Variants in CCDC126 observed in about 807,000 individuals in gnomAD.
CCDC126 encodes coiled-coil domain-containing protein 126.
CCDC126 carries 5 observed loss-of-function variants against 11.7 expected under a neutral mutation model. The observed-to-expected ratio is 0.43, with a 90% CI of 0.22 to 0.90. The LOEUF (loss-of-function observed/expected upper bound fraction) is 0.90, where lower values mean the gene tolerates loss of function less well. Ranked by LOEUF, CCDC126 falls within the 40% of genes least tolerant of loss-of-function variation. The pLI, the probability that CCDC126 is intolerant of heterozygous loss-of-function variation, is 0.27. For missense variants in CCDC126, 150 were observed against 163.1 expected, an observed-to-expected ratio of 0.92 and a Z score of 0.44; for synonymous variants, 60 against 61.9, an observed-to-expected ratio of 0.97 and a Z score of 0.14.
chr7:23,605,092 T>C (rs1030779206), intron 2 of CCDC126, among the ~76,000 whole-genome samples: 1 of 151,812 alleles, frequency 6.6e-6, no homozygotes, highest in Non-Finnish European at 1.5e-5. Flanking sequence ...TTTGAAGCGA[T>C]GACATTTGAA....
chr7:23,614,422 C>T (rs758071593), intron 3 of CCDC126, among the ~76,000 whole-genome samples: 15 of 152,176 alleles, frequency 9.9e-5, no homozygotes, highest in Non-Finnish European at 2.1e-4. Flanking sequence ...GTTACTTCTT[C>T]CACTGAAGTC....
In CCDC126 at chr7:23,611,294, C is replaced by G; in HGVS notation, c.-22C>G. The G allele has an allele frequency of 1.4e-6, 2 of 1,459,792 alleles. No individual in the cohort carries two copies. Among genetic ancestry groups the G allele is most frequent in the Non-Finnish European group, 1.9e-6 (2 of 1,045,060 alleles). The allele number at this position is 1,459,792 out of a possible 1,614,324, so 90.4% of individuals were successfully genotyped here. A position where few individuals can be genotyped will look rare whatever the true frequency, so the allele number is the denominator to read the frequency against. On this transcript the variant is annotated 5_prime_UTR_variant, in exon 3 of 4. Coordinates refer to ENST00000307471, the MANE Select transcript of CCDC126 (RefSeq NM_138771.4). ...TCAAGTTACCATTTTTCAGTCAAGT[C>G]TGTTTGTTTGCTTCTTCAGAAATGT...
At chr7:23,619,825 T>A (rs1193480010) in intron 3 of CCDC126, among the ~76,000 whole-genome samples, 1 of 148,028 alleles carries the variant, frequency 6.8e-6, no homozygotes, top group Non-Finnish European at 1.5e-5. Flanking sequence ...AGTGAGAACA[T>A]GCGGTGTTTG....
chr7:23,621,875 G>A (rs1782908364), intron 3 of CCDC126, among the ~76,000 whole-genome samples: 1 of 152,174 alleles, frequency 6.6e-6, no homozygotes, highest in African/African-American at 2.4e-5. Flanking sequence ...TTATATGCTG[G>A]ATTATGTTCA....
At chr7:23,606,316 C>G (rs946189186) in intron 2 of CCDC126, among the ~76,000 whole-genome samples, 1 of 152,106 alleles carries the variant, frequency 6.6e-6, no homozygotes, top group Non-Finnish European at 1.5e-5. Context: ...CCTTGGCCTC[C>G]CAAAGTGCTG....
chr7:23,622,968 C>A (rs372746473), intron 3 of CCDC126: 1 of 91,572 alleles, frequency 1.1e-5, no homozygotes, highest in Non-Finnish European at 1.9e-5. Context: ...TATGCTCACT[C>A]TTTTTTTTTT....
chr7:23,640,991 G>GATTTTT lies in CCDC126; in HGVS notation c.239-1940_239-1939insATTTTT, dbSNP rs754297249. On this transcript the variant is annotated intron_variant, in intron 3 of 3. Transcript: ENST00000307471. ...ATCCCTCTGAGCTCTGAATCCTTTT[G>GATTTTT]GTTTTTTTTTTTTTTTTTTTTTTTG... Among the ~76,000 whole-genome samples the GATTTTT allele has an allele frequency of 3.6e-5, 4 of 110,970 alleles. 1 individual carries two copies. Among genetic ancestry groups the GATTTTT allele is most frequent in the African/African-American group, 3.8e-5 (1 of 26,656 alleles). The allele number at this position is 110,970 out of a possible 152,430, so 72.8% of individuals were successfully genotyped here. A position where few individuals can be genotyped will look rare whatever the true frequency, so the allele number is the denominator to read the frequency against.
intron 3 of CCDC126, among the ~76,000 whole-genome samples, chr7:23,636,770 G>C (rs1383129683): frequency 4.1e-5 from 3 of 74,070 alleles, no homozygotes; most frequent in Non-Finnish European, 9.1e-5. Flanking sequence ...GGAGGGAGGT[G>C]GGGGGGGGGT....
At chr7:23,636,798 A>G (rs1434845252) in intron 3 of CCDC126, among the ~76,000 whole-genome samples, 25 of 114,296 alleles carry the variant, frequency 2.2e-4, no homozygotes, top group African/African-American at 7.6e-4. Context: ...CCGCCCGGCC[A>G]GCCGCCCCGT....
intron 2 of CCDC126, among the ~76,000 whole-genome samples, chr7:23,605,621 A>G (rs950352248): frequency 1.3e-5 from 2 of 152,180 alleles, no homozygotes; most frequent in Non-Finnish European, 2.9e-5. Flanking sequence ...CTCTTCTTCC[A>G]TGTGGTAGCA....
chr7:23,606,055 T>A (rs527527331), intron 2 of CCDC126, among the ~76,000 whole-genome samples: 1 of 152,070 alleles, frequency 6.6e-6, no homozygotes, highest in East Asian at 1.9e-4. Flanking sequence ...GTGGTTTTAT[T>A]TATTTATTTA....
intron 3 of CCDC126, among the ~76,000 whole-genome samples, chr7:23,633,420 A>G (rs1415669330): frequency 1.3e-5 from 2 of 152,082 alleles, no homozygotes; most frequent in Admixed American, 1.3e-4. Context: ...ACACTTAATC[A>G]TAGAATTGAT....
chr7:23,605,399 TTGTGTGTGTGTGTGTGTG>T lies in CCDC126; in HGVS notation c.-145-5745_-145-5728del, dbSNP rs3219575. Among the ~76,000 whole-genome samples, 1,169 of 148,934 alleles carry T rather than the reference TTGTGTGTGTGTGTGTGTG, an allele frequency of 7.8e-3. 14 individuals carry two copies. The highest frequency in any genetic ancestry group is 0.017 in the African/African-American group (693 of 40,428). On this transcript the variant is annotated intron_variant, in intron 2 of 3. Coordinates refer to ENST00000307471, the MANE Select transcript of CCDC126 (RefSeq NM_138771.4). The stretch of plus-strand genomic sequence containing the variant: ...TTTTAAGCAGGAGAATGTGATATGC[TTGTGTGTGTGTGTGTGTG>T]TGTGTGTGTGTGTGTGTGTGTGTGT...
chr7:23,624,802 C>A (rs575205553), intron 3 of CCDC126, among the ~76,000 whole-genome samples: 23 of 152,202 alleles, frequency 1.5e-4, no homozygotes, highest in Admixed American at 3.3e-4. Flanking sequence ...CCATTTTATA[C>A]ACATAGGTCT....
At chr7:23,618,549 T>A (rs1466479331) in intron 3 of CCDC126, among the ~76,000 whole-genome samples, 3 of 141,054 alleles carry the variant, frequency 2.1e-5, no homozygotes, top group Non-Finnish European at 4.8e-5. Context: ...TTTTTTTTTT[T>A]TTTTTTTTTT....
intron 2 of CCDC126, among the ~76,000 whole-genome samples, chr7:23,607,508 T>A (rs1435666916): frequency 6.6e-6 from 1 of 152,222 alleles, no homozygotes; most frequent in Non-Finnish European, 1.5e-5. Context: ...TGGAGGCTAA[T>A]AATCATTTTC....
At chr7:23,637,872 C>A (rs1266546604) in intron 3 of CCDC126, among the ~76,000 whole-genome samples, 4 of 115,568 alleles carry the variant, frequency 3.5e-5, no homozygotes, top group African/African-American at 1.2e-4. Context: ...CCGGCCGCCC[C>A]GTCCGGGAGG....
At chr7:23,636,248 A>G (rs1384328795) in intron 3 of CCDC126, among the ~76,000 whole-genome samples, 1 of 151,978 alleles carries the variant, frequency 6.6e-6, no homozygotes, top group Non-Finnish European at 1.5e-5. Flanking sequence ...TGGCCCCCCA[A>G]AGTGCCGAGA....
intron 3 of CCDC126, among the ~76,000 whole-genome samples, chr7:23,616,758 T>A (rs369601942): frequency 9.9e-5 from 15 of 152,194 alleles, no homozygotes; most frequent in East Asian, 7.7e-4. Context: ...GTGATGTGAC[T>A]GGGTATGGGT....
Sources: allele counts gnomAD v4.1 joint callset (sites outside exome capture counted in the v4.1 genomes callset), GRCh38; gene constraint gnomAD v4.1.1; transcripts MANE v1.5; gene names NCBI Gene and HGNC (gene_info 2026-07-23, HGNC 2026-07-21).